NDRG3: variants seen among roughly 807,000 people sequenced by gnomAD.
NDRG3 encodes the protein protein NDRG3.
In NDRG3, 23 loss-of-function variants were observed where a neutral mutation model predicts 57.2. The observed-to-expected ratio is 0.40, with a 90% CI of 0.29 to 0.57. The LOEUF is 0.57. Ranked by LOEUF, NDRG3 falls within the 20% of genes least tolerant of loss-of-function variation. The pLI, the probability that NDRG3 is intolerant of heterozygous loss-of-function variation, is 0.42. For synonymous variants in NDRG3, 132 were observed against 162.6 expected (o/e 0.81, Z 1.43); for missense variants, 384 against 457.3 (o/e 0.84, Z 1.46).
chr20:36,682,862 T>C (rs940515379), intron 6 of NDRG3, among the ~76,000 whole-genome samples: 1 of 151,534 alleles, frequency 6.6e-6, no homozygotes, highest in Non-Finnish European at 1.5e-5. Context: ...GGTCAGCAGA[T>C]CAAGACCATC....
chr20:36,744,394 G>GT (rs1392380498), intron 1 of NDRG3, among the ~76,000 whole-genome samples: 3 of 151,846 alleles, frequency 2.0e-5, no homozygotes, highest in African/African-American at 7.3e-5. Flanking sequence ...TAATGAAAAG[G>GT]GGGGGTGGAA....
intron 8 of NDRG3, among the ~76,000 whole-genome samples, chr20:36,673,430 G>A (rs966574097): frequency 2.6e-5 from 4 of 151,704 alleles, no homozygotes; most frequent in South Asian, 2.1e-4. Flanking sequence ...ACAGGGTCTC[G>A]TTCTCTTGTT....
chr20:36,684,337 C>T, intron 6 of NDRG3, 76 bp downstream of exon 6: 2 of 1,234,740 alleles, frequency 1.6e-6, no homozygotes, highest in Non-Finnish European at 2.4e-6. Context: ...ACCATCATAT[C>T]CTCTGAAACA....
chr20:36,712,568 T>C (rs1223922266), intron 2 of NDRG3, among the ~76,000 whole-genome samples: 10 of 15,500 alleles, frequency 6.5e-4, no homozygotes, highest in Non-Finnish European at 1.8e-3. Context: ...GCTATATATA[T>C]ATATATATAT....
In NDRG3 at chr20:36,688,749, G is replaced by A. The variant is rs943571419; in HGVS notation, c.129C>T (p.His43=). ...HDIETTHGVV[H]VTIRGLPKGN... Reference sequence around the variant, plus strand: ...CTTTGGGTAAGCCTCTTATAGTGACGTGGACCACACCATGAGTTGTTTCTA... The same window carrying A: ...CTTTGGGTAAGCCTCTTATAGTGACATGGACCACACCATGAGTTGTTTCTA... The change falls in exon 4 of 16, where the codon CAC becomes CAT. Residue 43 remains histidine (H), a synonymous_variant. Transcript: ENST00000349004. 3 of 1,613,686 alleles carry A rather than the reference G, an allele frequency of 1.9e-6. No individual in the cohort carries two copies. The highest frequency in any genetic ancestry group is 1.3e-5 in the African/African-American group (1 of 74,892).
At chr20:36,677,277 C>G (rs1044125610) in intron 8 of NDRG3, among the ~76,000 whole-genome samples, 1 of 152,176 alleles carries the variant, frequency 6.6e-6, no homozygotes, top group Non-Finnish European at 1.5e-5. Flanking sequence ...TGGAGCGGGA[C>G]GCAGGCAGAG....
At chr20:36,672,319 G>A (rs79807829) in intron 8 of NDRG3, among the ~76,000 whole-genome samples, 2,615 of 152,134 alleles carry the variant, frequency 0.017, 66 homozygotes, top group African/African-American at 0.06. Flanking sequence ...AAATTATGTT[G>A]CTGATTCCTG....
chr20:36,737,053 T>C (rs897746514), intron 1 of NDRG3, among the ~76,000 whole-genome samples: 1 of 152,004 alleles, frequency 6.6e-6, no homozygotes, highest in African/African-American at 2.4e-5. Context: ...TGGCAGCAGG[T>C]GGTAAATGAG....
chr20:36,702,342 T>TCG (rs1983285863), intron 3 of NDRG3, among the ~76,000 whole-genome samples: 1 of 152,076 alleles, frequency 6.6e-6, no homozygotes, highest in Non-Finnish European at 1.5e-5. Flanking sequence ...TTCACCGTGT[T>TCG]AGCCAGGATG....
At chr20:36,666,246 G>T in intron 10 of NDRG3, 43 bp downstream of exon 10, 1 of 1,436,704 alleles carries the variant, frequency 7.0e-7, no homozygotes, top group South Asian at 1.1e-5. Context: ...CCTCTTTTTA[G>T]AACCTGTTTA....
intron 8 of NDRG3, among the ~76,000 whole-genome samples, chr20:36,676,525 C>T (rs1054436934): frequency 6.6e-6 from 1 of 152,168 alleles, no homozygotes; most frequent in Admixed American, 6.5e-5. Context: ...TGCAATGGCA[C>T]GATCTTGGCT....
At chr20:36,727,543 CTTTTCT>C (rs1020869102) in intron 1 of NDRG3, among the ~76,000 whole-genome samples, 3 of 147,974 alleles carry the variant, frequency 2.0e-5, no homozygotes, top group Non-Finnish European at 4.5e-5. Flanking sequence ...TTTTTCTTTT[CTTTTCT>C]TTTTTTTTTT....
At chr20:36,704,904 C>T (rs1439090368) in intron 3 of NDRG3, among the ~76,000 whole-genome samples, 1 of 152,140 alleles carries the variant, frequency 6.6e-6, no homozygotes, top group Non-Finnish European at 1.5e-5. Context: ...CCCCTCTGGA[C>T]ATGTCCAGGT....
chr20:36,740,370 G>A (rs183278696), intron 1 of NDRG3, among the ~76,000 whole-genome samples: 4 of 152,012 alleles, frequency 2.6e-5, no homozygotes, highest in Admixed American at 6.6e-5. Context: ...TTTTTGAGAC[G>A]GAGTCTCGCT....
chr20:36,739,721 G>T (rs1009885160), intron 1 of NDRG3, among the ~76,000 whole-genome samples: 22 of 151,642 alleles, frequency 1.5e-4, no homozygotes, highest in African/African-American at 4.8e-4. Context: ...AGGAGATCGA[G>T]ACCATGGTGA....
At position 36,746,073 on chromosome 20, in the gene NDRG3, A is replaced by T. The variant is rs1986179892; in HGVS notation, c.-77T>A. ...AGGCGCGGGCACCCGCCGTCAGTGC[A>T]GCAGCAGCGGCGGCGGCGGCGGCGG... On this transcript the variant is annotated 5_prime_UTR_variant, in exon 1 of 16. Coordinates refer to ENST00000349004, the MANE Select transcript of NDRG3 (RefSeq NM_032013.4). 2 of 304,500 alleles carry T rather than the reference A, an allele frequency of 6.6e-6. No individual in the cohort carries two copies. The highest frequency in any genetic ancestry group is 1.1e-5 in the Non-Finnish European group (2 of 178,722). 18.9% of individuals were successfully genotyped at this position (304,500 alleles called of 1,614,324 possible).
Position 36,656,552 on chromosome 20 carries a change from C to T in NDRG3, c.859-20G>A. 6.2e-7 allele frequency: 1 copy of T among 1,613,850 alleles called. No homozygotes were observed. The highest frequency in any genetic ancestry group is 8.5e-7 in the Non-Finnish European group (1 of 1,179,770). ...CGCCATCTAGAAAAGGAAAAATATG[C>T]AAGTCAGCTGGGACTTACCCTTAAG... On this transcript the variant is annotated intron_variant, in intron 13 of 15. Transcript: ENST00000349004.
chr20:36,714,760 C>T (rs1291854546), intron 2 of NDRG3, among the ~76,000 whole-genome samples: 3 of 151,322 alleles, frequency 2.0e-5, no homozygotes, highest in Non-Finnish European at 2.9e-5. Flanking sequence ...ACTACAGGCA[C>T]GTGCCACCAC....
chr20:36,677,324 C>G (rs1369609507), intron 8 of NDRG3, among the ~76,000 whole-genome samples: 1 of 152,222 alleles, frequency 6.6e-6, no homozygotes, highest in African/African-American at 2.4e-5. Flanking sequence ...CAGTAAGGCC[C>G]CACCCTCAGG....
Sources: allele counts gnomAD v4.1 joint callset (sites outside exome capture counted in the v4.1 genomes callset), GRCh38; gene constraint gnomAD v4.1.1; transcripts MANE v1.5; gene names NCBI Gene and HGNC (gene_info 2026-07-23, HGNC 2026-07-21).